CD164: variants seen among roughly 807,000 people sequenced by gnomAD.
CD164 encodes CD164 molecule.
In CD164, 11 loss-of-function variants were observed where a neutral mutation model predicts 24.6. The observed-to-expected ratio is 0.45, with a 90% CI of 0.28 to 0.74. CD164 has a LOEUF of 0.74. CD164 is among the 30% of genes least tolerant of loss of function. The probability of loss-of-function intolerance (pLI) is 0.13; values close to 1 mark genes in which losing one functional copy is unlikely to be tolerated. For synonymous variants in CD164, 126 were observed against 100.3 expected (o/e 1.26, Z -1.53); for missense variants, 295 against 243.7 (o/e 1.21, Z -1.40).
At position 109,379,607 on chromosome 6, in the gene CD164, A is replaced by G. The variant is rs764143664; in HGVS notation, c.231T>C (p.Asn77=). 1.2e-6 allele frequency: 2 copies of G among 1,613,626 alleles called. No homozygotes were observed. Among genetic ancestry groups the G allele is most frequent in the Non-Finnish European group, 1.7e-6 (2 of 1,179,816 alleles). Residue 77 remains asparagine (N), a synonymous_variant, in exon 2 of 6, where the codon AAT becomes AAC. Coordinates refer to ENST00000310786, the MANE Select transcript of CD164 (RefSeq NM_006016.6). The part of the protein sequence containing the change: ...CVSCFNVSVV[N]TTCFWIECKD... ...TACATTCTATCCAAAAGCAGGTAGT[A>G]TTAACAACGCTAACATTAAAACAGG... is the stretch of plus-strand genomic sequence containing the variant.
chr6:109,375,069 G>A (rs1222140878), intron 4 of CD164, among the ~76,000 whole-genome samples: 3 of 152,102 alleles, frequency 2.0e-5, no homozygotes, highest in African/African-American at 7.2e-5. Flanking sequence ...AAATTTTAAG[G>A]AGTTCTTATC....
At position 109,368,301 on chromosome 6, in the gene CD164, T is replaced by C. The variant is rs1467779966; in HGVS notation, c.*550A>G. On this transcript the variant is annotated 3_prime_UTR_variant, in exon 6 of 6. Coordinates refer to ENST00000310786, the MANE Select transcript of CD164 (RefSeq NM_006016.6). ...CTTTCATTTCTTTAAATCTGGAATG[T>C]AGTTCCTTGTGTGGCATCTTATTTC... is the stretch of plus-strand genomic sequence containing the variant. The C allele has an allele frequency of 1.3e-6, 2 of 1,543,646 alleles. No individual in the cohort carries two copies. The highest frequency in any genetic ancestry group is 2.5e-5 in the East Asian group (1 of 40,566).
Position 109,382,434 on chromosome 6 carries a change from C to A in CD164, c.-56G>T, listed in dbSNP as rs1339666476. The A allele has an allele frequency of 2.1e-6, 3 of 1,398,716 alleles. No individual in the cohort carries two copies. The highest frequency in any genetic ancestry group is 2.9e-5 in the African/African-American group (2 of 67,958). 86.6% of individuals were successfully genotyped at this position (1,398,716 alleles called of 1,614,324 possible). A position where few individuals can be genotyped will look rare whatever the true frequency, so the allele number is the denominator to read the frequency against. On this transcript the variant is annotated 5_prime_UTR_variant, in exon 1 of 6. Transcript: ENST00000310786. ...GCTAAGGCTCGCAACGCTCAGTCAA[C>A]CCCTCAATCCCCTGCGGCGCCGCCT...
intron 2 of CD164, among the ~76,000 whole-genome samples, chr6:109,378,841 C>A (rs1235438672): frequency 6.6e-6 from 1 of 151,092 alleles, no homozygotes; most frequent in African/African-American, 2.4e-5. Context: ...ATTTCTAGAA[C>A]TATTAAAATT....
intron 4 of CD164, among the ~76,000 whole-genome samples, chr6:109,373,211 C>G (rs1056118769): frequency 6.6e-6 from 1 of 152,142 alleles, no homozygotes; most frequent in African/African-American, 2.4e-5. Context: ...ATTACAATTG[C>G]TTAATACAGT....
Position 109,368,684 on chromosome 6 carries a change from T to C in CD164, c.*167A>G. The C allele has an allele frequency of 8.0e-6, 11 of 1,381,602 alleles. No individual in the cohort carries two copies. The highest frequency in any genetic ancestry group is 1.0e-5 in the Non-Finnish European group (11 of 1,073,538). 85.6% of individuals were successfully genotyped at this position (1,381,602 alleles called of 1,614,324 possible). A position where few individuals can be genotyped will look rare whatever the true frequency, so the allele number is the denominator to read the frequency against. On this transcript the variant is annotated 3_prime_UTR_variant, in exon 6 of 6. Coordinates refer to ENST00000310786, the MANE Select transcript of CD164 (RefSeq NM_006016.6). ...ATTCCTGTTGAACACAATGATTTAA[T>C]TGATTTTTTCTTCACGGATGATGCT... is the stretch of plus-strand genomic sequence containing the variant.
intron 3 of CD164, among the ~76,000 whole-genome samples, chr6:109,377,167 T>C (rs1771456056): frequency 1.3e-5 from 2 of 152,284 alleles, no homozygotes; most frequent in South Asian, 4.1e-4. Context: ...CTAACTATAT[T>C]ATGCACCCTG....
intron 1 of CD164, chr6:109,381,556 T>C: frequency 2.8e-6 from 2 of 702,568 alleles, no homozygotes; most frequent in African/African-American, 1.7e-5. Context: ...CATACATGGG[T>C]ACTTTTCTTC....
chr6:109,382,450 G>T lies in CD164; in HGVS notation c.-72C>A, dbSNP rs1228102461. 1 of 1,355,102 alleles carries T rather than the reference G, an allele frequency of 7.4e-7. No homozygotes were observed. The highest frequency in any genetic ancestry group is 9.6e-7 in the Non-Finnish European group (1 of 1,036,606). 83.9% of individuals were successfully genotyped at this position (1,355,102 alleles called of 1,614,324 possible). Reference sequence around the variant, plus strand: ...CTCAGTCAACCCCTCAATCCCCTGCGGCGCCGCCTCCGAGACTACGCTCCC... The same window carrying T: ...CTCAGTCAACCCCTCAATCCCCTGCTGCGCCGCCTCCGAGACTACGCTCCC... On this transcript the variant is annotated 5_prime_UTR_variant, in exon 1 of 6. Coordinates refer to ENST00000310786, the MANE Select transcript of CD164 (RefSeq NM_006016.6).
chr6:109,373,294 G>A (rs1771199144), intron 4 of CD164, among the ~76,000 whole-genome samples: 1 of 152,094 alleles, frequency 6.6e-6, no homozygotes, highest in Non-Finnish European at 1.5e-5. Context: ...TTGTACTGAA[G>A]GAGGGCCATT....
rs188188919 is a variant in CD164 at position 109,375,819 on chromosome 6, T to C, written c.370+255A>G. 1.7e-3 allele frequency: 603 copies of C among 361,838 alleles called. 1 individual carries two copies. Among genetic ancestry groups the C allele is most frequent in the Non-Finnish European group, 2.5e-3 (515 of 205,118 alleles). The allele number at this position is 361,838 out of a possible 1,614,324, so 22.4% of individuals were successfully genotyped here. A position where few individuals can be genotyped will look rare whatever the true frequency, so the allele number is the denominator to read the frequency against. The stretch of plus-strand genomic sequence containing the variant: ...TTTCCCAAGATTTCCACTAAATCTA[T>C]AAAAAGTACTTTATAGACTCAATGT... On this transcript the variant is annotated intron_variant, in intron 4 of 5. Transcript: ENST00000310786.
chr6:109,378,021 T>G, intron 2 of CD164, 50 bp from the exon 3 acceptor site: 5 of 1,464,562 alleles, frequency 3.4e-6, no homozygotes, highest in Non-Finnish European at 4.8e-6. Flanking sequence ...CACCCATTTG[T>G]ATTATCTTTG....
chr6:109,370,731 T>G, intron 4 of CD164: 1 of 335,838 alleles, frequency 3.0e-6, no homozygotes, highest in African/African-American at 2.2e-5. Context: ...TACATCTGGA[T>G]AAAATTTGCG....
intron 4 of CD164, chr6:109,372,209 C>G (rs535830028): frequency 6.6e-6 from 1 of 152,248 alleles, no homozygotes; most frequent in South Asian, 2.1e-4. Flanking sequence ...CCAAATTCTA[C>G]TAATATAAAA....
rs371387862 is a variant in CD164, at chr6:109,382,212, G to A, written c.167C>T (p.Pro56Leu). The stretch of plus-strand genomic sequence containing the variant: ...ACAGGGCCCGCGCCCACCTGGTGCC[G>A]GAGTGGTGACCAGCGGGAGGGACGT... ...PVTSLPLVTT[P>L]APETCEGRNS... The change falls in exon 1 of 6, where the codon CCG becomes CTG. Residue 56 changes from proline (P) to leucine (L), a missense_variant. Coordinates refer to ENST00000310786, the MANE Select transcript of CD164 (RefSeq NM_006016.6). The A allele has an allele frequency of 1.3e-6, 2 of 1,564,220 alleles. No individual in the cohort carries two copies. The highest frequency in any genetic ancestry group is 2.7e-5 in the African/African-American group (2 of 73,632).
chr6:109,369,951 C>T (rs1452636205), intron 5 of CD164, among the ~76,000 whole-genome samples: 2 of 152,170 alleles, frequency 1.3e-5, no homozygotes, highest in African/African-American at 2.4e-5. Flanking sequence ...CTAATTTTCA[C>T]ATTACTGAGC....
In CD164 at chr6:109,377,890, G is replaced by C; in HGVS notation, c.331+10C>G. The C allele has an allele frequency of 5.6e-6, 9 of 1,609,540 alleles. No homozygotes were observed. The highest frequency in any genetic ancestry group is 6.8e-6 in the Non-Finnish European group (8 of 1,176,018). ...CGGTCAGCTTCCAAGCAGCCAATAT[G>C]AATACTTACCGGAACAGAAGTCTGT... On this transcript the variant is annotated intron_variant, in intron 3 of 5. Transcript: ENST00000310786.
At chr6:109,375,964 C>T in intron 4 of CD164, 110 bp downstream of exon 4, 3 of 820,638 alleles carry the variant, frequency 3.7e-6, no homozygotes, top group Middle Eastern at 3.5e-4. Context: ...TAAGTTTTTA[C>T]TCATCTTTAA....
At chr6:109,369,097 AT>A in intron 5 of CD164, 80 bp from the exon 6 acceptor site, 1 of 1,238,590 alleles carries the variant, frequency 8.1e-7, no homozygotes, top group Non-Finnish European at 1.1e-6. Context: ...CTGAGCCTCT[AT>A]TTTGCCATGT....
Sources: allele counts gnomAD v4.1 joint callset (sites outside exome capture counted in the v4.1 genomes callset), GRCh38; gene constraint gnomAD v4.1.1; transcripts MANE v1.5; gene names NCBI Gene and HGNC (gene_info 2026-07-23, HGNC 2026-07-21).